FAM78B: variants seen among roughly 807,000 people sequenced by gnomAD.
The protein encoded by FAM78B is family with sequence similarity 78 member B.
FAM78B carries 10 observed loss-of-function variants against 20.0 expected under a neutral mutation model. The observed-to-expected ratio is 0.50, with a 90% CI of 0.31 to 0.85. The LOEUF (loss-of-function observed/expected upper bound fraction) is 0.85. FAM78B is among the 40% of genes least tolerant of loss of function. The probability of loss-of-function intolerance (pLI) is 0.05; values close to 1 mark genes in which losing one functional copy is unlikely to be tolerated. For missense variants in FAM78B, 283 were observed against 345.0 expected, an observed-to-expected ratio of 0.82 and a Z score of 1.42; for synonymous variants, 135 against 132.8, an observed-to-expected ratio of 1.02 and a Z score of -0.12.
Position 166,166,117 on chromosome 1 carries a change from G to A in FAM78B, c.132C>T (p.Tyr44=), listed in dbSNP as rs998169980. 1.2e-6 allele frequency: 2 copies of A among 1,612,036 alleles called. No individual in the cohort carries two copies. Among genetic ancestry groups the A allele is most frequent in the African/African-American group, 1.3e-5 (1 of 74,990 alleles). Residue 44 remains tyrosine, a synonymous_variant, in exon 1 of 2, where the codon TAC becomes TAT. Coordinates refer to ENST00000354422, the MANE Select transcript of FAM78B (RefSeq NM_001017961.5). ...IEETSPIVLR[Y]KTPYFKASAR... ...CGGAGGCTTTGAAGTAGGGGGTCTT[G>A]TAGCGCAGGACGATGGGCGAGGTCT...
chr1:166,142,914 T>C (rs553412065), intron 1 of FAM78B, among the ~76,000 whole-genome samples: 1 of 152,276 alleles, frequency 6.6e-6, no homozygotes, highest in East Asian at 1.9e-4. Flanking sequence ...GGTTTCTTAG[T>C]TCAGGGAGCT....
chr1:166,070,480 T>C lies in FAM78B; in HGVS notation c.547A>G (p.Lys183Glu). The C allele has an allele frequency of 6.2e-7, 1 of 1,614,186 alleles. No individual in the cohort carries two copies. Among genetic ancestry groups the C allele is most frequent in the Non-Finnish European group, 8.5e-7 (1 of 1,180,026 alleles). ...LVAMNTTTKEKIILQTIKWRM... is the reference protein window; with the variant it reads ...LVAMNTTTKEEIILQTIKWRM... ...CACTTGATGGTCTGCAGAATGATCTTCTCCTTTGTGGTGGTGTTCATGGCC... is the reference window on the plus strand; with the variant it reads ...CACTTGATGGTCTGCAGAATGATCTCCTCCTTTGTGGTGGTGTTCATGGCC... Residue 183 changes from lysine to glutamate, a missense_variant, in exon 2 of 2, where the codon AAG becomes GAG. Coordinates refer to ENST00000354422, the MANE Select transcript of FAM78B (RefSeq NM_001017961.5).
chr1:166,114,359 T>C (rs748771026), intron 1 of FAM78B, among the ~76,000 whole-genome samples: 16 of 152,222 alleles, frequency 1.1e-4, no homozygotes, highest in Non-Finnish European at 1.9e-4. Flanking sequence ...GGTTCATTCA[T>C]TCATTCATAA....
intron 2 of FAM78B, among the ~76,000 whole-genome samples, chr1:166,061,677 T>C (rs986210369): frequency 1.3e-5 from 2 of 152,258 alleles, no homozygotes; most frequent in Non-Finnish European, 2.9e-5. Context: ...CTGCATTCCC[T>C]GTGCTGTGGA....
chr1:166,125,052 A>T (rs1654591316), intron 1 of FAM78B, among the ~76,000 whole-genome samples: 1 of 152,226 alleles, frequency 6.6e-6, no homozygotes, highest in Non-Finnish European at 1.5e-5. Context: ...TGGTCAACTG[A>T]GACCTGCCAG....
chr1:166,073,966 G>T (rs1239269373), intron 1 of FAM78B, among the ~76,000 whole-genome samples: 1 of 152,032 alleles, frequency 6.6e-6, no homozygotes, highest in Non-Finnish European at 1.5e-5. Flanking sequence ...AACTCTTACT[G>T]CCTTCACTTA....
Position 166,070,517 on chromosome 1 carries a change from C to T in FAM78B, c.510G>A (p.Thr170=), listed in dbSNP as rs143651089. 115 of 1,614,138 alleles carry T rather than the reference C, an allele frequency of 7.1e-5. 1 individual carries two copies. The highest frequency in any genetic ancestry group is 3.0e-4 in the Admixed American group (18 of 60,028). ...LTRIKRDQSF[T]TWLVAMNTTT... ...TGGTGTTCATGGCCACCAGCCAGGT[C>T]GTGAAACTTTGGTCTCTCTTGATTC... The change falls in exon 2 of 2, where the codon ACG becomes ACA. Residue 170 remains threonine (T), a synonymous_variant. Coordinates refer to ENST00000354422, the MANE Select transcript of FAM78B (RefSeq NM_001017961.5).
At chr1:166,114,716 G>A (rs1399386879) in intron 1 of FAM78B, among the ~76,000 whole-genome samples, 5 of 152,204 alleles carry the variant, frequency 3.3e-5, no homozygotes, top group African/African-American at 1.2e-4. Context: ...GGACACGGGA[G>A]GGGAAGATGA....
intron 1 of FAM78B, among the ~76,000 whole-genome samples, chr1:166,088,990 A>AC (rs1652953605): frequency 1.3e-5 from 2 of 151,316 alleles, no homozygotes; most frequent in African/African-American, 4.9e-5. Context: ...ACAGCTTTCC[A>AC]CCCCCAATAG....
chr1:166,140,314 A>C (rs1018832587), intron 1 of FAM78B, among the ~76,000 whole-genome samples: 3 of 152,226 alleles, frequency 2.0e-5, no homozygotes, highest in African/African-American at 7.2e-5. Flanking sequence ...ATGGATGAGG[A>C]ATCAGCCCCA....
chr1:166,134,817 C>T (rs1483857040), intron 1 of FAM78B, among the ~76,000 whole-genome samples: 2 of 152,174 alleles, frequency 1.3e-5, no homozygotes, highest in East Asian at 3.8e-4. Flanking sequence ...ATGATGCTCT[C>T]TAAAGGTTCG....
At position 166,140,987 on chromosome 1, in the gene FAM78B, C is replaced by T. The variant is rs1429509992; in HGVS notation, c.263+24999G>A. Among the ~76,000 whole-genome samples, 4 of 152,178 alleles carry T rather than the reference C, an allele frequency of 2.6e-5. No homozygotes were observed. The South Asian group carries it at 6.2e-4, about 24-fold the overall frequency. On this transcript the variant is annotated intron_variant, in intron 1 of 1. Transcript: ENST00000354422. ...AAACAGCAGAGCTTTGACTGCAATC[C>T]GGTCTTTAAACACCAAAGCCAGGCT...
At chr1:166,086,072 T>C (rs868587578) in intron 1 of FAM78B, among the ~76,000 whole-genome samples, 5 of 149,842 alleles carry the variant, frequency 3.3e-5, no homozygotes, top group African/African-American at 1.2e-4. Flanking sequence ...ACTATGTTAC[T>C]CTTTTTTTTT....
At chr1:166,150,839 G>GC (rs1328383703) in intron 1 of FAM78B, among the ~76,000 whole-genome samples, 1 of 152,192 alleles carries the variant, frequency 6.6e-6, no homozygotes, top group Non-Finnish European at 1.5e-5. Flanking sequence ...TGTAATGCCA[G>GC]CACTTTGGGA....
intron 1 of FAM78B, among the ~76,000 whole-genome samples, chr1:166,130,981 CTTTTTTTT>C (rs869158425): frequency 8.8e-6 from 1 of 114,066 alleles, no homozygotes; most frequent in East Asian, 2.5e-4. Context: ...TCCCCAGGTG[CTTTTTTTT>C]TTTTTTTTTT....
downstream of FAM78B, among the ~76,000 whole-genome samples, chr1:166,068,568 G>C (rs1651888385): frequency 6.6e-6 from 1 of 152,142 alleles, no homozygotes; most frequent in Admixed American, 6.5e-5. Context: ...AGACTAAATT[G>C]AATTTTTAAT....
intron 1 of FAM78B, among the ~76,000 whole-genome samples, chr1:166,129,601 T>C (rs1364196823): frequency 6.6e-6 from 1 of 152,194 alleles, no homozygotes; most frequent in Non-Finnish European, 1.5e-5. Context: ...ACTTCCTGAT[T>C]CCTGGTTCCT....
At chr1:166,165,067 C>T (rs1284434946) in intron 1 of FAM78B, 1 of 152,174 alleles carries the variant, frequency 6.6e-6, no homozygotes, top group Non-Finnish European at 1.5e-5. Flanking sequence ...GTTGAGGAGC[C>T]GCGGCGATCC....
chr1:166,094,633 GGA>G (rs1002736987), intron 1 of FAM78B, among the ~76,000 whole-genome samples: 2 of 152,178 alleles, frequency 1.3e-5, no homozygotes, highest in Non-Finnish European at 2.9e-5. Context: ...CTATAGATGT[GGA>G]GACAGAATGT....
Sources: gnomAD v4.1 joint callset for allele counts (sites outside exome capture counted in the v4.1 genomes callset) on GRCh38, gnomAD v4.1.1 for gene constraint, MANE v1.5 for transcripts, NCBI Gene and HGNC (gene_info 2026-07-23, HGNC 2026-07-21) for gene names.